Variants in RMDN2 observed in about 807,000 individuals in gnomAD.
RMDN2 encodes regulator of microtubule dynamics 2.
In RMDN2, 61 loss-of-function variants were observed where a neutral mutation model predicts 52.8. That is an observed-to-expected ratio of 1.16 (90% CI 0.94 to 1.43). RMDN2 has a LOEUF of 1.43. Among genes scored for constraint, RMDN2 ranks in the 40% most tolerant of loss-of-function variants. The probability of loss-of-function intolerance (pLI) is 0.00; values close to 1 mark genes in which losing one functional copy is unlikely to be tolerated. For missense variants in RMDN2, 592 were observed against 475.3 expected, an observed-to-expected ratio of 1.25 and a Z score of -2.28; for synonymous variants, 180 against 153.1, an observed-to-expected ratio of 1.18 and a Z score of -1.30.
chr2:38,043,715 G>A (rs181522386), intron 10 of RMDN2, among the ~76,000 whole-genome samples: 17 of 152,158 alleles, frequency 1.1e-4, no homozygotes, highest in Admixed American at 1.1e-3. Context: ...AGTAGTCTAA[G>A]TTAACTTTCA....
At chr2:38,047,622 G>T (rs1023377214) in intron 10 of RMDN2, among the ~76,000 whole-genome samples, 1 of 151,976 alleles carries the variant, frequency 6.6e-6, no homozygotes, top group African/African-American at 2.4e-5. Flanking sequence ...TTTTTGTTGT[G>T]GTTTCCAGAG....
chr2:37,985,739 T>C (rs1366597138), intron 5 of RMDN2, among the ~76,000 whole-genome samples: 6 of 152,228 alleles, frequency 3.9e-5, no homozygotes, highest in East Asian at 1.9e-4. Flanking sequence ...CAAAAGATTT[T>C]AACATGTTGA....
intron 10 of RMDN2, among the ~76,000 whole-genome samples, chr2:38,049,046 A>C (rs1681438622): frequency 6.6e-6 from 1 of 152,230 alleles, no homozygotes; most frequent in Non-Finnish European, 1.5e-5. Flanking sequence ...TTGACATTTT[A>C]AATCATTCTG....
At position 38,040,045 on chromosome 2, in the gene RMDN2, CATTATTATTATT is replaced by C. The variant is rs60031771; in HGVS notation, c.1714-26909_1714-26898del. ...ACAGTATAAGGCCTGTGTCTAGATTCATTATTATTATTATTATTATTATTATTATTATTATTA... is the reference window on the plus strand; with the variant it reads ...ACAGTATAAGGCCTGTGTCTAGATTCATTATTATTATTATTATTATTATTA... On this transcript the variant is annotated intron_variant, in intron 10 of 10. Transcript: ENST00000234195. Among the ~76,000 whole-genome samples, 701 of 141,666 alleles carry C rather than the reference CATTATTATTATT, an allele frequency of 4.9e-3. 5 individuals are homozygous for C. The highest frequency in any genetic ancestry group is 0.017 in the African/African-American group (662 of 38,488). The allele number at this position is 141,666 out of a possible 152,430, so 92.9% of individuals were successfully genotyped here.
intron 2 of RMDN2, among the ~76,000 whole-genome samples, chr2:37,965,214 C>T (rs1670874240): frequency 6.6e-6 from 1 of 151,956 alleles, no homozygotes; most frequent in Admixed American, 6.5e-5. Flanking sequence ...GAATTTAATC[C>T]CATTTATATT....
chr2:37,961,647 C>G (rs1024115109), intron 2 of RMDN2, among the ~76,000 whole-genome samples: 17 of 151,994 alleles, frequency 1.1e-4, no homozygotes, highest in Admixed American at 7.9e-4. Flanking sequence ...GCTCCTTTAG[C>G]TCGGAGAAGT....
At chr2:37,982,031 G>C (rs1172320412) in intron 5 of RMDN2, among the ~76,000 whole-genome samples, 1 of 151,962 alleles carries the variant, frequency 6.6e-6, no homozygotes, top group Non-Finnish European at 1.5e-5. Context: ...AGGTGCCCCA[G>C]ATAGTGGGAA....
intron 2 of RMDN2, among the ~76,000 whole-genome samples, chr2:37,954,925 T>C (rs1268553795): frequency 6.6e-6 from 1 of 152,136 alleles, no homozygotes; most frequent in Admixed American, 6.6e-5. Context: ...TTAGTTAAGT[T>C]TATTTCTAAG....
At chr2:38,045,492 A>G (rs1265599270) in intron 10 of RMDN2, among the ~76,000 whole-genome samples, 2 of 152,218 alleles carry the variant, frequency 1.3e-5, no homozygotes, top group Admixed American at 6.5e-5. Context: ...GGAGCAGGCA[A>G]CTTCTTCCTC....
chr2:37,983,082 C>T lies in RMDN2; in HGVS notation c.791+1739C>T, dbSNP rs943053362. On this transcript the variant is annotated intron_variant, in intron 5 of 10. Coordinates refer to ENST00000354545, the MANE Select transcript of RMDN2 (RefSeq NM_001170791.3). The stretch of plus-strand genomic sequence containing the variant: ...CTCCTCTGTTCCCTCCCCTCCTCTT[C>T]CTTCTCTTCTTTCTCTCCCTCGTCT... 3.3e-5 allele frequency among the ~76,000 whole-genome samples: 5 copies of T among 152,222 alleles called. No homozygotes were observed. In the East Asian group the frequency reaches 9.7e-4, roughly 29 times the overall value.
At chr2:38,067,017 C>T (rs370935674) in exon 11 of RMDN2, 124 of 1,612,408 alleles carry the variant, frequency 7.7e-5, no homozygotes, top group Non-Finnish European at 9.2e-5. Flanking sequence ...CCTTTGGTAC[C>T]GCAAGCCCTG....
intron 10 of RMDN2, among the ~76,000 whole-genome samples, chr2:38,022,909 A>C (rs985030797): frequency 6.6e-6 from 1 of 152,224 alleles, no homozygotes; most frequent in East Asian, 1.9e-4. Context: ...GGGTCAGACA[A>C]CTGTAGTGAC....
intron 2 of RMDN2, among the ~76,000 whole-genome samples, chr2:37,941,041 G>C (rs975156305): frequency 6.6e-6 from 1 of 152,158 alleles, no homozygotes; most frequent in African/African-American, 2.4e-5. Flanking sequence ...ATTTACCTTT[G>C]GTCTTTGTTG....
intron 2 of RMDN2, chr2:37,951,456 G>A (rs1271476529): frequency 6.2e-7 from 1 of 1,612,176 alleles, no homozygotes; most frequent in African/African-American, 1.3e-5. Flanking sequence ...TTCTTTATTT[G>A]TTGGATTTCA....
intron 2 of RMDN2, among the ~76,000 whole-genome samples, chr2:37,937,289 CTGT>C (rs1667388407): frequency 6.6e-6 from 1 of 152,140 alleles, no homozygotes. Flanking sequence ...CAGTACCATG[CTGT>C]TTTGGTTACT....
At chr2:37,991,120 A>C in intron 6 of RMDN2, 100 bp from the exon 7 acceptor site, 1 of 512,490 alleles carries the variant, frequency 2.0e-6, no homozygotes. Flanking sequence ...GAACTGAGAC[A>C]ATATTTTAAA....
chr2:37,970,587 A>C (rs1028761596), intron 2 of RMDN2, among the ~76,000 whole-genome samples: 5 of 152,170 alleles, frequency 3.3e-5, no homozygotes, highest in African/African-American at 1.2e-4. Flanking sequence ...GTAATTCTTT[A>C]GAAGAATTTG....
At chr2:38,039,975 A>G (rs56768893) in intron 10 of RMDN2, among the ~76,000 whole-genome samples, 43,051 of 151,378 alleles carry the variant, frequency 0.28, 8,654 homozygotes, top group East Asian at 0.79. Context: ...ATAGTTTTGA[A>G]TTTTACATTT....
chr2:37,962,890 A>G (rs1020999652), intron 2 of RMDN2, among the ~76,000 whole-genome samples: 5 of 152,244 alleles, frequency 3.3e-5, no homozygotes, highest in African/African-American at 9.6e-5. Flanking sequence ...AAAGCGTAGC[A>G]TCTGGGCTAG....
Sources: gnomAD v4.1 joint callset for allele counts (sites outside exome capture counted in the v4.1 genomes callset) on GRCh38, gnomAD v4.1.1 for gene constraint, MANE v1.5 for transcripts, NCBI Gene and HGNC (gene_info 2026-07-23, HGNC 2026-07-21) for gene names.